The following SLC2A9 variants were observed in gnomAD, a reference collection of about 807,000 sequenced individuals.
The protein encoded by SLC2A9 is solute carrier family 2 member 9.
Under a neutral mutation model 50.6 loss-of-function variants are expected in SLC2A9, and 39 were observed. That is an observed-to-expected ratio of 0.77 (90% CI 0.60 to 1.01). The LOEUF (loss-of-function observed/expected upper bound fraction) is 1.01, where lower values mean the gene tolerates loss of function less well. Ranked by LOEUF, SLC2A9 falls within the 50% of genes least tolerant of loss-of-function variation. The probability of loss-of-function intolerance (pLI) is 0.00; values close to 1 mark genes in which losing one functional copy is unlikely to be tolerated. For synonymous variants in SLC2A9, 324 were observed against 276.9 expected (o/e 1.17, Z -1.69); for missense variants, 686 against 677.6 (o/e 1.01, Z -0.14).
At chr4:9,809,230 G>A (rs578035582) in intron 3 of SLC2A9, among the ~76,000 whole-genome samples, 1 of 152,288 alleles carries the variant, frequency 6.6e-6, no homozygotes, top group South Asian at 2.1e-4. Context: ...TCCCAGCCTG[G>A]AAGTTTCCTG....
intron 3 of SLC2A9, among the ~76,000 whole-genome samples, chr4:9,781,399 G>A (rs1027314194): frequency 6.6e-6 from 1 of 152,206 alleles, no homozygotes; most frequent in Non-Finnish European, 1.5e-5. Context: ...CCAGGGCTAA[G>A]GCTCCAGGGA....
chr4:9,914,273 G>A (rs993285988), intron 7 of SLC2A9, among the ~76,000 whole-genome samples: 1 of 152,190 alleles, frequency 6.6e-6, no homozygotes, highest in African/African-American at 2.4e-5. Context: ...AATCACTACC[G>A]GCAGCTGCCA....
rs77474220 is a variant in SLC2A9, at chr4:9,976,893, T to C, written c.681+3699A>G. On this transcript the variant is annotated intron_variant, in intron 5 of 11. Transcript: ENST00000264784. ...CCTTTTCCCCTGCAGAGCTACTCCT[T>C]CTCTTTCATAGCTCCCTGTCTTAGC... is the stretch of plus-strand genomic sequence containing the variant. Among the ~76,000 whole-genome samples, 1,436 of 152,282 alleles carry C rather than the reference T, an allele frequency of 9.4e-3. 27 individuals carry two copies. Among genetic ancestry groups the C allele is most frequent in the African/African-American group, 0.033 (1,386 of 41,556 alleles).
rs76652903 is a variant in SLC2A9, at chr4:10,016,611, T to C, written c.249+2364A>G. ...GGAGGGCACGTTAAACTCTCTCTGTTTGGCTTACCATGGTCTTTCCCATTA... is the reference window on the plus strand; with the variant it reads ...GGAGGGCACGTTAAACTCTCTCTGTCTGGCTTACCATGGTCTTTCCCATTA... On this transcript the variant is annotated intron_variant, in intron 2 of 11. Transcript: ENST00000264784. 1.5e-3 allele frequency among the ~76,000 whole-genome samples: 230 copies of C among 152,174 alleles called. 7 individuals are homozygous for C. In the East Asian group the frequency reaches 0.04, roughly 26 times the overall value.
chr4:9,776,659 G>A (rs1157816040), downstream of SLC2A9, among the ~76,000 whole-genome samples: 1 of 152,028 alleles, frequency 6.6e-6, no homozygotes, highest in African/African-American at 2.4e-5. Context: ...ACAGTCAAAG[G>A]GTCTGAGTTG....
At chr4:9,845,400 T>A (rs1728796408) in intron 10 of SLC2A9, among the ~76,000 whole-genome samples, 1 of 150,940 alleles carries the variant, frequency 6.6e-6, no homozygotes, top group Non-Finnish European at 1.5e-5. Flanking sequence ...ATTAAAATTA[T>A]TCCAATGGAA....
chr4:9,824,309 TAAA>T (rs5856021), downstream of SLC2A9, among the ~76,000 whole-genome samples: 4 of 148,288 alleles, frequency 2.7e-5, no homozygotes, highest in Non-Finnish European at 3.0e-5. Flanking sequence ...TCCAGAACAG[TAAA>T]AAAAAAAAAA....
At chr4:9,846,436 G>A (rs1729008053) in intron 10 of SLC2A9, among the ~76,000 whole-genome samples, 1 of 152,102 alleles carries the variant, frequency 6.6e-6, no homozygotes, top group South Asian at 2.1e-4. Context: ...AGGCAGGGGA[G>A]GCTGCTGAGC....
intron 2 of SLC2A9, among the ~76,000 whole-genome samples, chr4:10,014,463 C>T (rs1332128873): frequency 6.6e-6 from 1 of 152,238 alleles, no homozygotes; most frequent in Admixed American, 6.5e-5. Context: ...TGCTCATAGC[C>T]TGGGTGGTGC....
chr4:9,868,217 G>C (rs1473556941), intron 10 of SLC2A9, among the ~76,000 whole-genome samples: 1 of 152,246 alleles, frequency 6.6e-6, no homozygotes, highest in African/African-American at 2.4e-5. Flanking sequence ...TCCCTTACCA[G>C]AGCGCCACTC....
At chr4:9,806,329 C>T (rs1722110689) in intron 3 of SLC2A9, among the ~76,000 whole-genome samples, 2 of 152,220 alleles carry the variant, frequency 1.3e-5, no homozygotes, top group South Asian at 2.1e-4. Flanking sequence ...ACAGCATGAG[C>T]GATCTGTGCC....
chr4:9,903,404 C>T (rs2109930171), intron 8 of SLC2A9, among the ~76,000 whole-genome samples: 1 of 152,116 alleles, frequency 6.6e-6, no homozygotes, highest in Middle Eastern at 3.4e-3. Flanking sequence ...AAGAGTGAGC[C>T]CTCACCCCAC....
At position 9,955,494 on chromosome 4, in the gene SLC2A9, CAAAAAAAAAAAAAAAA is replaced by C. The variant is rs71181004; in HGVS notation, c.682-13465_682-13450del. On this transcript the variant is annotated intron_variant, in intron 5 of 11. Coordinates refer to ENST00000264784, the MANE Select transcript of SLC2A9 (RefSeq NM_020041.3). ...TGGGCCACAGAGCGAGACTCCGTCT[CAAAAAAAAAAAAAAAA>C]AAAAAAAAACTCCAAGTCAAAGTTC... 8.5e-5 allele frequency among the ~76,000 whole-genome samples: 2 copies of C among 23,652 alleles called. 1 individual carries two copies. The highest frequency in any genetic ancestry group is 5.5e-4 in the African/African-American group (2 of 3,632). The allele number at this position is 23,652 out of a possible 152,430, so 15.5% of individuals were successfully genotyped here. A position where few individuals can be genotyped will look rare whatever the true frequency, so the allele number is the denominator to read the frequency against.
intron 11 of SLC2A9, among the ~76,000 whole-genome samples, chr4:9,828,888 C>A (rs1405223810): frequency 6.6e-6 from 1 of 152,150 alleles, no homozygotes; most frequent in Non-Finnish European, 1.5e-5. Context: ...ATTCCCAGAG[C>A]CCGGAGAGTC....
intron 10 of SLC2A9, among the ~76,000 whole-genome samples, chr4:9,868,184 GCATTAGT>G (rs928539522): frequency 1.3e-5 from 2 of 152,224 alleles, no homozygotes; most frequent in African/African-American, 2.4e-5. Context: ...GTTCTGGTGG[GCATTAGT>G]CAAGTTCCAT....
intron 10 of SLC2A9, among the ~76,000 whole-genome samples, chr4:9,840,864 A>G (rs1423776687): frequency 6.6e-6 from 1 of 152,184 alleles, no homozygotes; most frequent in Non-Finnish European, 1.5e-5. Context: ...GAAACTTACA[A>G]TCGTGGAGGA....
chr4:9,796,771 G>C (rs150463413), downstream of SLC2A9, among the ~76,000 whole-genome samples: 26 of 152,308 alleles, frequency 1.7e-4, no homozygotes, highest in East Asian at 4.8e-3. Context: ...TGGCTGTCAT[G>C]AGAGGATCCA....
chr4:9,783,363 C>T (rs1268344707), intron 3 of SLC2A9: 12 of 1,614,098 alleles, frequency 7.4e-6, no homozygotes, highest in Non-Finnish European at 1.0e-5. Flanking sequence ...CAGACGTCCC[C>T]AGATGGTGAC....
chr4:9,833,611 C>T (rs1438837271), intron 11 of SLC2A9, among the ~76,000 whole-genome samples: 1 of 152,164 alleles, frequency 6.6e-6, no homozygotes, highest in African/African-American at 2.4e-5. Flanking sequence ...GAACAGCCAC[C>T]ATGCTGGGGT....
Sources: gnomAD v4.1 joint callset for allele counts (sites outside exome capture counted in the v4.1 genomes callset) on GRCh38, gnomAD v4.1.1 for gene constraint, MANE v1.5 for transcripts, NCBI Gene and HGNC (gene_info 2026-07-23, HGNC 2026-07-21) for gene names.